The following AUTS2 variants were observed in gnomAD, a reference collection of about 807,000 sequenced individuals.
AUTS2 encodes the protein autism susceptibility gene 2 protein.
AUTS2 carries 17 observed loss-of-function variants against 112.4 expected under a neutral mutation model. That is an observed-to-expected ratio of 0.15 (90% CI 0.10 to 0.23). The LOEUF (loss-of-function observed/expected upper bound fraction) is 0.23. Among genes scored for constraint, AUTS2 ranks in the 10% least tolerant of loss-of-function variants. The probability of loss-of-function intolerance (pLI) is 1.00; values close to 1 mark genes in which losing one functional copy is unlikely to be tolerated. For missense variants in AUTS2, 1,510 were observed against 1,701.6 expected (o/e 0.89, Z 1.98); for synonymous variants, 751 against 702.7 (o/e 1.07, Z -1.09).
chr7:70,466,776 A>T (rs867151), intron 5 of AUTS2, among the ~76,000 whole-genome samples: 20 of 152,348 alleles, frequency 1.3e-4, no homozygotes, highest in African/African-American at 4.3e-4. Flanking sequence ...GTTAGTCTTG[A>T]AAAGATCAAT....
At chr7:69,710,049 T>G (rs1348535871) in intron 1 of AUTS2, among the ~76,000 whole-genome samples, 1 of 152,226 alleles carries the variant, frequency 6.6e-6, no homozygotes, top group Non-Finnish European at 1.5e-5. Flanking sequence ...GGGAGACTCT[T>G]TTTTGATGGC....
chr7:70,724,862 T>C (rs1451759836), intron 6 of AUTS2, among the ~76,000 whole-genome samples: 1 of 152,250 alleles, frequency 6.6e-6, no homozygotes, highest in African/African-American at 2.4e-5. Flanking sequence ...AACAATTTAC[T>C]GTCTCCATTA....
chr7:70,734,162 G>A (rs1009924905), intron 6 of AUTS2, among the ~76,000 whole-genome samples: 14 of 152,060 alleles, frequency 9.2e-5, no homozygotes, highest in African/African-American at 1.9e-4. Flanking sequence ...AACCCTGGTC[G>A]GGTGTGGTGG....
intron 2 of AUTS2, among the ~76,000 whole-genome samples, chr7:69,969,133 T>G (rs548130035): frequency 1.3e-5 from 2 of 152,172 alleles, no homozygotes; most frequent in African/African-American, 2.4e-5. Flanking sequence ...AACTGAAAAC[T>G]GTACTCTGCC....
At chr7:69,826,455 A>AT (rs1479388263) in intron 1 of AUTS2, among the ~76,000 whole-genome samples, 2 of 152,198 alleles carry the variant, frequency 1.3e-5, no homozygotes, top group African/African-American at 2.4e-5. Context: ...AGAACACCCT[A>AT]TAAATGTGAC....
chr7:70,331,398 C>G (rs1021027911), intron 4 of AUTS2, among the ~76,000 whole-genome samples: 4 of 152,002 alleles, frequency 2.6e-5, no homozygotes, highest in African/African-American at 4.8e-5. Context: ...GTGATATCCC[C>G]TTTATCATTT....
intron 2 of AUTS2, among the ~76,000 whole-genome samples, chr7:69,987,324 G>A (rs1335863605): frequency 3.3e-5 from 5 of 152,168 alleles, no homozygotes; most frequent in African/African-American, 7.2e-5. Context: ...ATCCTAGTTC[G>A]AGGGAAATGC....
At chr7:70,718,774 CT>C (rs1395430518) in intron 6 of AUTS2, among the ~76,000 whole-genome samples, 4 of 152,154 alleles carry the variant, frequency 2.6e-5, no homozygotes, top group East Asian at 1.9e-4. Context: ...TTTTTGATAT[CT>C]TTTTTTCATT....
chr7:69,728,941 A>G (rs1786653307), intron 1 of AUTS2, among the ~76,000 whole-genome samples: 1 of 152,162 alleles, frequency 6.6e-6, no homozygotes. Flanking sequence ...GTGTTTTCCT[A>G]GTAGAAACAG....
intron 1 of AUTS2, among the ~76,000 whole-genome samples, chr7:69,892,312 T>C (rs549241123): frequency 6.0e-4 from 91 of 151,742 alleles, no homozygotes; most frequent in African/African-American, 2.0e-3. Context: ...GCTGGGACTA[T>C]AGGCGCGTAC....
chr7:70,557,748 G>A (rs1191714146), intron 5 of AUTS2, among the ~76,000 whole-genome samples: 1 of 152,098 alleles, frequency 6.6e-6, no homozygotes, highest in Non-Finnish European at 1.5e-5. Flanking sequence ...AGGAGTTGTC[G>A]GGAGCAGTCA....
intron 2 of AUTS2, among the ~76,000 whole-genome samples, chr7:69,903,017 G>A (rs12698814): frequency 0.25 from 37,363 of 152,046 alleles, 4,576 homozygotes; most frequent in Middle Eastern, 0.33. Flanking sequence ...ACAAAATAGC[G>A]CATGTCTTTC....
At chr7:70,455,847 C>G (rs1015791953) in intron 5 of AUTS2, among the ~76,000 whole-genome samples, 3 of 152,102 alleles carry the variant, frequency 2.0e-5, no homozygotes, top group African/African-American at 7.2e-5. Context: ...TAAAAGCAAC[C>G]CTGGGACTAC....
In AUTS2 at chr7:70,768,062, G is replaced by A; in HGVS notation, c.1728G>A (p.Arg576=). The A allele has an allele frequency of 6.2e-7, 1 of 1,603,138 alleles. No homozygotes were observed. Among genetic ancestry groups the A allele is most frequent in the Non-Finnish European group, 8.5e-7 (1 of 1,176,092 alleles). Residue 576 remains arginine, a synonymous_variant, in exon 10 of 19, where the codon CGG becomes CGA. Transcript: ENST00000342771. ...CTACAAAAGTTGACCCATTCTACCG[G>A]CACAGTGTGAGTTTCATTACCATGC... ...KYPTKVDPFY[R]HSLFHSYPPA... is the part of the protein sequence containing the mutation.
chr7:69,944,912 T>A (rs1402577796), intron 2 of AUTS2, among the ~76,000 whole-genome samples: 1 of 152,154 alleles, frequency 6.6e-6, no homozygotes, highest in Non-Finnish European at 1.5e-5. Context: ...GCACCCTTTC[T>A]TAGCATCCTA....
In AUTS2 at chr7:70,347,918, C is replaced by A. The variant is rs1585042977; in HGVS notation, c.661-87834C>A. 1.3e-5 allele frequency among the ~76,000 whole-genome samples: 2 copies of A among 152,150 alleles called. 1 individual carries two copies. Among genetic ancestry groups the A allele is most frequent in the Non-Finnish European group, 2.9e-5 (2 of 68,024 alleles). On this transcript the variant is annotated intron_variant, in intron 4 of 18. Coordinates refer to ENST00000342771, the MANE Select transcript of AUTS2 (RefSeq NM_015570.4). ...CTGCTCTGCTGGCTTATGTCATCCT[C>A]CTGCTCCTTTGGGTAGAAGTTCTAG...
intron 2 of AUTS2, among the ~76,000 whole-genome samples, chr7:69,911,655 G>A (rs1008479872): frequency 2.6e-5 from 4 of 152,168 alleles, no homozygotes; most frequent in African/African-American, 9.7e-5. Flanking sequence ...AGCTCTCAGT[G>A]GAGAGGCGAG....
chr7:69,878,393 C>CT (rs1204506872), intron 1 of AUTS2, among the ~76,000 whole-genome samples: 1 of 152,116 alleles, frequency 6.6e-6, no homozygotes, highest in Non-Finnish European at 1.5e-5. Flanking sequence ...ACCCCCACAC[C>CT]TTTTCTTTTA....
At chr7:70,323,207 C>G (rs1046075674) in intron 4 of AUTS2, among the ~76,000 whole-genome samples, 1 of 152,216 alleles carries the variant, frequency 6.6e-6, no homozygotes, top group Non-Finnish European at 1.5e-5. Flanking sequence ...TTGGTTTCTA[C>G]AGTTAGCATT....
Sources: allele counts gnomAD v4.1 joint callset (sites outside exome capture counted in the v4.1 genomes callset), GRCh38; gene constraint gnomAD v4.1.1; transcripts MANE v1.5; gene names NCBI Gene and HGNC (gene_info 2026-07-23, HGNC 2026-07-21).